KLHL22: variants seen among roughly 807,000 people sequenced by gnomAD.
The protein encoded by KLHL22 is kelch like family member 22, also known as kelch-like protein 22.
KLHL22 carries 18 observed loss-of-function variants against 60.7 expected under a neutral mutation model. That is an observed-to-expected ratio of 0.30 (90% CI 0.20 to 0.44). KLHL22 has a LOEUF of 0.44. Ranked by LOEUF, KLHL22 falls within the 20% of genes least tolerant of loss-of-function variation. KLHL22 has a pLI of 1.00. For synonymous variants in KLHL22, 355 were observed against 354.5 expected (o/e 1.00, Z -0.01); for missense variants, 596 against 852.3 (o/e 0.70, Z 3.74).
intron 5 of KLHL22, among the ~76,000 whole-genome samples, chr22:20,449,127 C>G (rs1261845087): frequency 6.6e-6 from 1 of 151,912 alleles, no homozygotes; most frequent in Non-Finnish European, 1.5e-5. Context: ...GTGGCACAAT[C>G]TCAGCTCACT....
In KLHL22 at chr22:20,465,313, G is replaced by A. The variant is rs1341580889; in HGVS notation, c.657C>T (p.Leu219=). 6.2e-7 allele frequency: 1 copy of A among 1,614,164 alleles called. No homozygotes were observed. The highest frequency in any genetic ancestry group is 1.1e-5 in the South Asian group (1 of 91,084). ...CETEVYEGAL[L]YHYSLEQVQA... ...GCACCTGCTCCAGGCTATAATGGTA[G>A]AGAAGGGCCCCCTCATATACCTCGG... Residue 219 remains leucine (L), a synonymous_variant, in exon 4 of 7, where the codon CTC becomes CTT. Coordinates refer to ENST00000328879, the MANE Select transcript of KLHL22 (RefSeq NM_032775.4). The surrounding 1 kb of genome is among the most constrained non-coding windows in gnomAD (Gnocchi z 4.9).
intron 6 of KLHL22, among the ~76,000 whole-genome samples, chr22:20,444,317 G>A (rs371314568): frequency 1.1e-4 from 16 of 152,160 alleles, no homozygotes; most frequent in Non-Finnish European, 2.1e-4. Flanking sequence ...TGCCCTGACC[G>A]CACCCTGGTT....
At chr22:20,479,971 T>C (rs1473104769) in intron 2 of KLHL22, among the ~76,000 whole-genome samples, 2 of 152,144 alleles carry the variant, frequency 1.3e-5, no homozygotes, top group Non-Finnish European at 2.9e-5. Context: ...GATAGGTGAA[T>C]AGACAAACAA....
intron 4 of KLHL22, among the ~76,000 whole-genome samples, chr22:20,460,223 G>C (rs1443218931): frequency 6.6e-6 from 1 of 152,194 alleles, no homozygotes; most frequent in East Asian, 1.9e-4. Flanking sequence ...AGTGAGATAG[G>C]ACCCTCCATG....
intron 2 of KLHL22, among the ~76,000 whole-genome samples, chr22:20,476,088 G>A (rs1158217056): frequency 2.0e-5 from 3 of 152,174 alleles, no homozygotes; most frequent in Admixed American, 6.5e-5. Context: ...GGACACAGTG[G>A]ATCTTTTTAA....
chr22:20,472,559 C>G (rs993098653), intron 2 of KLHL22, among the ~76,000 whole-genome samples: 1 of 152,164 alleles, frequency 6.6e-6, no homozygotes, highest in Non-Finnish European at 1.5e-5. Flanking sequence ...AACCCCGTCT[C>G]TACTAAAAAT....
intron 3 of KLHL22, among the ~76,000 whole-genome samples, chr22:20,470,992 T>C (rs115766542): frequency 2.6e-5 from 4 of 152,164 alleles, no homozygotes; most frequent in Non-Finnish European, 4.4e-5. Flanking sequence ...GCAGCAATGC[T>C]GGTGGATGCT....
rs1321911459 is a variant in KLHL22 at position 20,457,866 on chromosome 22, A to G, written c.1247T>C (p.Val416Ala). 1 of 1,611,660 alleles carries G rather than the reference A, an allele frequency of 6.2e-7. No individual in the cohort carries two copies. The highest frequency in any genetic ancestry group is 1.3e-5 in the African/African-American group (1 of 74,886). Residue 416 changes from valine (V) to alanine (A), a missense_variant, in exon 5 of 7, where the codon GTG becomes GCG. Coordinates refer to ENST00000328879, the MANE Select transcript of KLHL22 (RefSeq NM_032775.4). Reference protein sequence around the residue: ...GRDYHNDLNAVERYDPATNSW... With the variant: ...GRDYHNDLNAAERYDPATNSW... ...GTTGGTGGCAGGGTCGTAGCGCTCC[A>G]CAGCATTCAGGTCATTGTGGTAGTC... is the stretch of plus-strand genomic sequence containing the variant.
chr22:20,462,722 C>A (rs972701635), intron 4 of KLHL22, among the ~76,000 whole-genome samples: 2 of 151,890 alleles, frequency 1.3e-5, no homozygotes, highest in Admixed American at 1.3e-4. Context: ...CTAGGTATAC[C>A]ATGTAGTTGG....
intron 2 of KLHL22, among the ~76,000 whole-genome samples, chr22:20,479,255 A>G (rs2053462161): frequency 6.6e-6 from 1 of 151,886 alleles, no homozygotes; most frequent in African/African-American, 2.4e-5. Context: ...CAATTTTTAA[A>G]AAAATATATT....
Position 20,471,410 on chromosome 22 carries a change from G to A in KLHL22, c.333C>T (p.Ser111=), listed in dbSNP as rs142476014. 89 of 1,614,078 alleles carry A rather than the reference G, an allele frequency of 5.5e-5. No homozygotes were observed. The highest frequency in any genetic ancestry group is 2.7e-4 in the East Asian group (12 of 44,892). The change falls in exon 3 of 7, where the codon TCC becomes TCT. Residue 111 remains serine (S), a synonymous_variant. Coordinates refer to ENST00000328879, the MANE Select transcript of KLHL22 (RefSeq NM_032775.4). ...MCQILHFIYT[S]ELELSLSNVQ... Reference sequence around the variant, plus strand: ...CATTGCTCAGGCTGAGCTCCAGCTCGGAGGTGTATATGAAATGTAGGATTT... The same window carrying A: ...CATTGCTCAGGCTGAGCTCCAGCTCAGAGGTGTATATGAAATGTAGGATTT...
At chr22:20,443,611 T>C (rs2052803123) in intron 6 of KLHL22, among the ~76,000 whole-genome samples, 1 of 152,052 alleles carries the variant, frequency 6.6e-6, no homozygotes, top group South Asian at 2.1e-4. Flanking sequence ...TGGTGGCACA[T>C]GCCTGTAACC....
At chr22:20,455,701 T>C (rs931290996) in intron 5 of KLHL22, among the ~76,000 whole-genome samples, 6 of 152,164 alleles carry the variant, frequency 3.9e-5, no homozygotes, top group Non-Finnish European at 8.8e-5. Flanking sequence ...TTTTGCTTGC[T>C]TCGAAAGTAA....
chr22:20,468,861 G>A (rs2053272235), intron 3 of KLHL22, among the ~76,000 whole-genome samples: 1 of 152,016 alleles, frequency 6.6e-6, no homozygotes, highest in African/African-American at 2.4e-5. Context: ...TCGCTTTGTT[G>A]CCCAGGCTGA....
At position 20,465,450 on chromosome 22, in the gene KLHL22, A is replaced by C; in HGVS notation, c.520T>G (p.Tyr174Asp). 1 of 1,613,912 alleles carries C rather than the reference A, an allele frequency of 6.2e-7. No homozygotes were observed. Among genetic ancestry groups the C allele is most frequent in the African/African-American group, 1.3e-5 (1 of 75,040 alleles). ...AAGGCCACAAAGTTTTTGAGGATAT[A>C]GGTGTCCAGTTGCTCAGTCAGGCGG... ...LSRLTEQLDT[Y>D]ILKNFVAFSR... Residue 174 changes from tyrosine to aspartate, a missense_variant, in exon 4 of 7, where the codon TAT (tyrosine) becomes GAT (aspartate). Coordinates refer to ENST00000328879, the MANE Select transcript of KLHL22 (RefSeq NM_032775.4). This position sits in a 1 kb window ranked among gnomAD's most constrained non-coding sequence, Gnocchi z 4.9.
chr22:20,448,116 A>G (rs1013318088), intron 5 of KLHL22, among the ~76,000 whole-genome samples: 1 of 152,132 alleles, frequency 6.6e-6, no homozygotes, highest in Non-Finnish European at 1.5e-5. Context: ...TCTCTTCTCT[A>G]TTTCTACAGT....
In KLHL22 at chr22:20,483,417, G is replaced by A. The variant is rs549026143; in HGVS notation, c.227+5568C>T. 4.3e-5 allele frequency: 36 copies of A among 835,332 alleles called. No individual in the cohort carries two copies. In the East Asian group the frequency reaches 7.2e-4, roughly 17 times the overall value. The allele number at this position is 835,332 out of a possible 1,614,324, so 51.7% of individuals were successfully genotyped here. A position where few individuals can be genotyped will look rare whatever the true frequency, so the allele number is the denominator to read the frequency against. ...CATCTACCTCCACAGTCAACCCAGA[G>A]CTGGCAATCTGGTCTTGTAGGCCTT... On this transcript the variant is annotated intron_variant, in intron 2 of 6. Coordinates refer to ENST00000328879, the MANE Select transcript of KLHL22 (RefSeq NM_032775.4).
intron 6 of KLHL22, among the ~76,000 whole-genome samples, chr22:20,443,173 T>G (rs77467662): frequency 0.034 from 5,173 of 152,260 alleles, 125 homozygotes; most frequent in Middle Eastern, 0.058. Flanking sequence ...GAAAAGGAAT[T>G]TGGCAATAAG....
chr22:20,474,297 C>A (rs2053374262), intron 2 of KLHL22, among the ~76,000 whole-genome samples: 1 of 152,190 alleles, frequency 6.6e-6, no homozygotes, highest in Non-Finnish European at 1.5e-5. Flanking sequence ...CTGCACCCAG[C>A]CCGGTTTTTA....
Sources: allele counts gnomAD v4.1 joint callset (sites outside exome capture counted in the v4.1 genomes callset), GRCh38; gene constraint gnomAD v4.1.1; non-coding constraint Gnocchi (gnomAD v3.1); transcripts MANE v1.5; gene names NCBI Gene and HGNC (gene_info 2026-07-23, HGNC 2026-07-21).